The following ZNF329 variants were observed in gnomAD, a reference collection of about 807,000 sequenced individuals.
ZNF329 encodes zinc finger protein 329.
A neutral mutation model predicts 26.6 loss-of-function variants in ZNF329; 15 were observed. The observed-to-expected ratio is 0.56, with a 90% CI of 0.38 to 0.87. The LOEUF is 0.87. ZNF329 is among the 40% of genes least tolerant of loss of function. The pLI is 0.00. For missense variants in ZNF329, 651 were observed against 651.9 expected, an observed-to-expected ratio of 1.00 and a Z score of 0.02; for synonymous variants, 239 against 233.5, an observed-to-expected ratio of 1.02 and a Z score of -0.21.
In ZNF329 at chr19:58,127,785, C is replaced by CT; in HGVS notation, c.*92dup. The CT allele has an allele frequency of 1.6e-6, 2 of 1,254,400 alleles. No homozygotes were observed. The highest frequency in any genetic ancestry group is 2.2e-6 in the Non-Finnish European group (2 of 899,396). The allele number at this position is 1,254,400 out of a possible 1,614,324, so 77.7% of individuals were successfully genotyped here. A position where few individuals can be genotyped will look rare whatever the true frequency, so the allele number is the denominator to read the frequency against. ...AATTCACTGGATAGCTTAAAGGATT[C>CT]TTTTCTACTGACCAGAGAGGAGTCA... is the stretch of plus-strand genomic sequence containing the variant. On this transcript the variant is annotated 3_prime_UTR_variant, in exon 4 of 4. Transcript: ENST00000598312.
At chr19:58,153,673 T>A (rs1171787316), upstream of ZNF329, among the ~76,000 whole-genome samples, 1 of 152,204 alleles carries the variant, frequency 6.6e-6, no homozygotes, top group East Asian at 1.9e-4. Flanking sequence ...ACTTTCTACA[T>A]CAAGATAAGC....
Position 58,128,458 on chromosome 19 carries a change from C to A in ZNF329, c.1046G>T (p.Gly349Val). 6.2e-7 allele frequency: 1 copy of A among 1,613,286 alleles called. No individual in the cohort carries two copies. The highest frequency in any genetic ancestry group is 8.5e-7 in the Non-Finnish European group (1 of 1,179,516). The change falls in exon 4 of 4, where the codon GGA becomes GTA. Residue 349 changes from glycine to valine, a missense_variant. Gly to Val is a moderately radical substitution (Grantham distance 109). Coordinates refer to ENST00000598312, the MANE Select transcript of ZNF329 (RefSeq NM_024620.4). ...GEKPYECSKC[G>V]KAFRDGSYLT... ...GTACGAGCCGTCCCGGAAAGCCTTT[C>A]CACATTTGCTACACTCATAGGGCTT...
At chr19:58,129,643 C>T in intron 3 of ZNF329, 132 bp from the exon 4 acceptor site, 1 of 837,376 alleles carries the variant, frequency 1.2e-6, no homozygotes, top group Non-Finnish European at 1.8e-6. Context: ...CAAATTTATA[C>T]AAGGAAGAGG....
At chr19:58,131,533 G>A (rs78430695) in intron 3 of ZNF329, among the ~76,000 whole-genome samples, 2,812 of 152,242 alleles carry the variant, frequency 0.018, 81 homozygotes, top group African/African-American at 0.063. Flanking sequence ...TGGCAGATAG[G>A]GAGAAAATAG....
chr19:58,145,937 T>C (rs902895785), intron 1 of ZNF329, among the ~76,000 whole-genome samples: 2 of 148,388 alleles, frequency 1.3e-5, no homozygotes, highest in African/African-American at 5.0e-5. Context: ...GAATGTCAAC[T>C]GAACATCAAG....
At chr19:58,130,252 G>GGCTT (rs2074907386) in intron 3 of ZNF329, among the ~76,000 whole-genome samples, 1 of 151,710 alleles carries the variant, frequency 6.6e-6, no homozygotes, top group Non-Finnish European at 1.5e-5. Flanking sequence ...CAACCTGGTA[G>GGCTT]GCAGAGGTTG....
At position 58,142,625 on chromosome 19, in the gene ZNF329, T is replaced by C. The variant is rs1289045765; in HGVS notation, c.-77A>G. On this transcript the variant is annotated 5_prime_UTR_variant, in exon 3 of 4. An upstream open reading frame in the 5' UTR loses its in-frame stop. Coordinates refer to ENST00000598312, the MANE Select transcript of ZNF329 (RefSeq NM_024620.4). ...CTTGACATCGATGGTTGCTGGACAT[T>C]AGCCATTTATGCCCATCCACACGGC... 1 of 152,684 alleles carries C rather than the reference T, an allele frequency of 6.5e-6. No individual in the cohort carries two copies. The allele number at this position is 152,684 out of a possible 1,614,324, so 9.5% of individuals were successfully genotyped here. A position where few individuals can be genotyped will look rare whatever the true frequency, so the allele number is the denominator to read the frequency against.
rs774415314 is a variant in ZNF329, at chr19:58,129,390, C to T, written c.114G>A (p.Trp38Ter). 1 of 1,614,156 alleles carries T rather than the reference C, an allele frequency of 6.2e-7. No homozygotes were observed. Among genetic ancestry groups the T allele is most frequent in the Non-Finnish European group, 8.5e-7 (1 of 1,180,024 alleles). The change falls in exon 4 of 4, where the codon TGG becomes TGA. Residue 38 changes from tryptophan to a stop codon, truncating the protein, a stop_gained. Transcript: ENST00000598312. LOFTEE classifies it low-confidence loss of function (END_TRUNC). ...VPCLSSLGDG[W>*]DCENQEGHLR... ...AGTGTCCCTCCTGGTTCTCACAGTC[C>T]CAACCATCACCTAAACTGGACAAGC...
At chr19:58,132,835 CAG>C (rs1316563616) in intron 3 of ZNF329, among the ~76,000 whole-genome samples, 10 of 151,184 alleles carry the variant, frequency 6.6e-5, no homozygotes, top group Middle Eastern at 6.8e-3. Flanking sequence ...TTTTTTGAGA[CAG>C]AGTCTTGCAC....
chr19:58,146,963 C>T (rs1445008307), intron 1 of ZNF329, among the ~76,000 whole-genome samples: 16 of 152,250 alleles, frequency 1.1e-4, no homozygotes, highest in South Asian at 1.0e-3. Context: ...AGCCTCTGCC[C>T]GGCCGCCACC....
chr19:58,139,138 G>C (rs2075132128), intron 3 of ZNF329, among the ~76,000 whole-genome samples: 1 of 152,020 alleles, frequency 6.6e-6, no homozygotes, highest in African/African-American at 2.4e-5. Flanking sequence ...TGGGGGTAGG[G>C]AGGCTAACTC....
chr19:58,151,995 C>T (rs969654915), upstream of ZNF329, among the ~76,000 whole-genome samples: 8 of 152,116 alleles, frequency 5.3e-5, no homozygotes, highest in South Asian at 2.1e-4. Context: ...CGAACCTCTC[C>T]GCAGGTTGAA....
At chr19:58,135,237 G>A (rs555450603) in intron 3 of ZNF329, among the ~76,000 whole-genome samples, 5 of 152,156 alleles carry the variant, frequency 3.3e-5, no homozygotes, top group African/African-American at 9.6e-5. Flanking sequence ...ACATGCCACT[G>A]CAACCAGCCA....
intron 3 of ZNF329, among the ~76,000 whole-genome samples, chr19:58,134,982 A>G (rs1277812446): frequency 2.6e-5 from 4 of 152,198 alleles, no homozygotes; most frequent in Non-Finnish European, 5.9e-5. Context: ...CACAGAGCAA[A>G]GCCAGCTAGG....
chr19:58,153,347 T>A (rs565521807), upstream of ZNF329, among the ~76,000 whole-genome samples: 9 of 152,256 alleles, frequency 5.9e-5, no homozygotes, highest in African/African-American at 2.2e-4. Flanking sequence ...TGACCTCAGG[T>A]GATCCACCCA....
intron 1 of ZNF329, among the ~76,000 whole-genome samples, chr19:58,146,599 G>A (rs1163596323): frequency 6.7e-6 from 1 of 150,096 alleles, no homozygotes; most frequent in Non-Finnish European, 1.5e-5. Context: ...CTCTGATGCC[G>A]AGCCGAAGCT....
rs1208533611 is a variant in ZNF329, at chr19:58,128,661, G to A, written c.843C>T (p.His281=). ...GSALTQHQRI[H]TGEKPYECLE... ...GGCATTCATAAGGTTTCTCGCCTGTGTGAATTCTCTGGTGCTGTGTCAGAG... is the reference window on the plus strand; with the variant it reads ...GGCATTCATAAGGTTTCTCGCCTGTATGAATTCTCTGGTGCTGTGTCAGAG... The change falls in exon 4 of 4, where the codon CAC becomes CAT. Residue 281 remains histidine, a synonymous_variant. Coordinates refer to ENST00000598312, the MANE Select transcript of ZNF329 (RefSeq NM_024620.4). 2 of 1,602,572 alleles carry A rather than the reference G, an allele frequency of 1.2e-6. No individual in the cohort carries two copies. Among genetic ancestry groups the A allele is most frequent in the Non-Finnish European group, 1.7e-6 (2 of 1,174,560 alleles).
chr19:58,147,159 C>G (rs543571686), intron 1 of ZNF329, among the ~76,000 whole-genome samples: 1 of 148,914 alleles, frequency 6.7e-6, no homozygotes, highest in South Asian at 2.1e-4. Context: ...GCCTCTGCCC[C>G]GCCGCCCCAT....
intron 1 of ZNF329, among the ~76,000 whole-genome samples, chr19:58,146,193 G>C (rs1045001522): frequency 6.6e-6 from 1 of 152,098 alleles, no homozygotes; most frequent in Non-Finnish European, 1.5e-5. Context: ...AGTATCTGGG[G>C]CCAGGCGCAG....
Sources: allele counts gnomAD v4.1 joint callset (sites outside exome capture counted in the v4.1 genomes callset), GRCh38; gene constraint gnomAD v4.1.1; transcripts MANE v1.5; gene names NCBI Gene and HGNC (gene_info 2026-07-23, HGNC 2026-07-21).